Variants in GSDME observed in about 807,000 individuals in gnomAD.
GSDME encodes the protein gasdermin E.
GSDME carries 44 observed loss-of-function variants against 47.5 expected under a neutral mutation model. The ratio of observed to expected loss-of-function variants is 0.93; its 90% CI spans 0.73 to 1.19. The LOEUF is 1.19. GSDME is among the 50% of genes most tolerant of loss of function. GSDME has a pLI of 0.00. For synonymous variants in GSDME, 258 were observed against 252.8 expected (o/e 1.02, Z -0.20); for missense variants, 663 against 604.2 (o/e 1.10, Z -1.02).
the GSDME span, among the ~76,000 whole-genome samples, chr7:24,770,312 C>A: frequency 6.6e-6 from 1 of 152,332 alleles, no homozygotes; most frequent in East Asian, 1.9e-4. The surrounding 1 kb of genome is among the most constrained non-coding windows in gnomAD (Gnocchi z 4.6). Context: ...CTTCCTCCCT[C>A]CACCCATATC....
chr7:24,744,332 G>A lies in GSDME; in HGVS notation c.404+230C>T. 1.7e-6 allele frequency: 1 copy of A among 579,122 alleles called. No individual in the cohort carries two copies. The highest frequency in any genetic ancestry group is 3.1e-6 in the Non-Finnish European group (1 of 324,008). 35.9% of individuals were successfully genotyped at this position (579,122 alleles called of 1,614,324 possible). On this transcript the variant is annotated intron_variant, in intron 3 of 9. Transcript: ENST00000645220. The surrounding 1 kb of genome is among the most constrained non-coding windows in gnomAD (Gnocchi z 4.5). Reference sequence around the variant, plus strand: ...TGAAGGAAGTACATATTTGCCTGAAGTAACATCCTTTGAAAGTGCTTCCCA... The same window carrying A: ...TGAAGGAAGTACATATTTGCCTGAAATAACATCCTTTGAAAGTGCTTCCCA...
At chr7:24,784,469 G>A in the GSDME span, among the ~76,000 whole-genome samples, 4 of 152,078 alleles carry the variant, frequency 2.6e-5, no homozygotes, top group African/African-American at 9.6e-5. Flanking sequence ...GAGATCCCCC[G>A]GCAAACCACT....
intron 5 of GSDME, 173 bp from the exon 6 acceptor site, chr7:24,710,561 A>T: frequency 1.6e-6 from 1 of 630,094 alleles, no homozygotes; most frequent in Non-Finnish European, 2.8e-6. Flanking sequence ...ATGTTGCTTG[A>T]CCAAAAGCCC....
chr7:24,761,529 A>C (rs1222789659), upstream of GSDME, among the ~76,000 whole-genome samples: 1 of 152,226 alleles, frequency 6.6e-6, no homozygotes, highest in African/African-American at 2.4e-5. The surrounding 1 kb of genome is among the most constrained non-coding windows in gnomAD (Gnocchi z 4.4). Flanking sequence ...TCATGACCTA[A>C]TCACATCCCA....
chr7:24,705,174 A>G lies in GSDME; in HGVS notation c.1183+1010T>C, dbSNP rs1402679920. On this transcript the variant is annotated intron_variant, in intron 8 of 9. Coordinates refer to ENST00000645220, the MANE Select transcript of GSDME (RefSeq NM_001127453.2). This position sits in a 1 kb window ranked among gnomAD's most constrained non-coding sequence, Gnocchi z 4.1. ...GTCGGAGAACTCTGGCCTGTGTATT[A>G]GCTCCTGACAGAATGCCTGTTCTGA... The G allele has an allele frequency of 6.6e-6, 1 of 152,226 alleles. No individual in the cohort carries two copies. Among genetic ancestry groups the G allele is most frequent in the Non-Finnish European group, 1.5e-5 (1 of 68,046 alleles). 9.4% of individuals were successfully genotyped at this position (152,226 alleles called of 1,614,324 possible). A position where few individuals can be genotyped will look rare whatever the true frequency, so the allele number is the denominator to read the frequency against.
chr7:24,766,748 G>A, the GSDME span, among the ~76,000 whole-genome samples: 1 of 152,194 alleles, frequency 6.6e-6, no homozygotes, highest in African/African-American at 2.4e-5. This position sits in a 1 kb window ranked among gnomAD's most constrained non-coding sequence, Gnocchi z 4.2. Context: ...ATTGTGAACA[G>A]TGCCACAGTA....
intron 3 of GSDME, among the ~76,000 whole-genome samples, chr7:24,731,279 C>G (rs1210079993): frequency 6.6e-6 from 1 of 152,208 alleles, no homozygotes; most frequent in African/African-American, 2.4e-5. Flanking sequence ...GTACAAAGAA[C>G]AGCCTGTGTG....
intron 9 of GSDME, among the ~76,000 whole-genome samples, chr7:24,700,180 C>T (rs985115564): frequency 6.6e-6 from 1 of 152,086 alleles, no homozygotes; most frequent in Non-Finnish European, 1.5e-5. Flanking sequence ...GTCACCTTCC[C>T]TTATTTAACC....
Position 24,717,343 on chromosome 7 carries a change from T to C in GSDME, c.608A>G (p.Lys203Arg). 1 of 1,613,892 alleles carries C rather than the reference T, an allele frequency of 6.2e-7. No homozygotes were observed. The highest frequency in any genetic ancestry group is 1.1e-5 in the South Asian group (1 of 91,058). Residue 203 changes from lysine (K) to arginine (R), a missense_variant, in exon 5 of 10, where the codon AAG (lysine) becomes AGG (arginine). Transcript: ENST00000645220. ...VSATEDGNVT[K>R]DSNVVLEIPA... ...GATCTCCAGCACCACGTTGGAGTCC[T>C]TGGTGACATTCCCATCCTCCGTCGC...
rs150256759 is a variant in GSDME, at chr7:24,750,441, A to G, written c.-19-648T>C. 6.2e-3 allele frequency among the ~76,000 whole-genome samples: 950 copies of G among 152,230 alleles called. 9 individuals are homozygous for G. Among genetic ancestry groups the G allele is most frequent in the Non-Finnish European group, 0.011 (749 of 68,014 alleles). On this transcript the variant is annotated intron_variant, in intron 1 of 9. Transcript: ENST00000645220. ...AGACCAGCCTGGGCAACATAGCAAA[A>G]CTCCAAATTAAAAATTAAAAAATTA...
intron 3 of GSDME, among the ~76,000 whole-genome samples, chr7:24,723,044 G>C (rs1038988797): frequency 6.6e-6 from 1 of 152,200 alleles, no homozygotes; most frequent in African/African-American, 2.4e-5. Context: ...AACCAAGGCA[G>C]GGCTGCCGGA....
Position 24,744,070 on chromosome 7 carries a change from A to G in GSDME, c.404+492T>C. On this transcript the variant is annotated intron_variant, in intron 3 of 9. Transcript: ENST00000645220. This position sits in a 1 kb window ranked among gnomAD's most constrained non-coding sequence, Gnocchi z 4.5. Reference sequence around the variant, plus strand: ...AATAATGATGAGCTATAGTGTGGTAAGATGTATTTACCGAAAGCCAAACAA... The same window carrying G: ...AATAATGATGAGCTATAGTGTGGTAGGATGTATTTACCGAAAGCCAAACAA... 4.6e-6 allele frequency: 1 copy of G among 219,328 alleles called. No homozygotes were observed. Among genetic ancestry groups the G allele is most frequent in the Middle Eastern group, 1.8e-3 (1 of 558 alleles). The allele number at this position is 219,328 out of a possible 1,614,324, so 13.6% of individuals were successfully genotyped here.
At position 24,702,791 on chromosome 7, in the gene GSDME, T is replaced by C. The variant is rs763466822; in HGVS notation, c.1226A>G (p.Lys409Arg). The change falls in exon 9 of 10, where the codon AAA (lysine) becomes AGA (arginine). Residue 409 changes from lysine (K) to arginine (R), a missense_variant. Physicochemically the swap from Lys to Arg is conservative, Grantham distance 26 (BLOSUM62 2). Transcript: ENST00000645220. ...GCACAGTGTGGGAATGATCTGGAGTTTGCAGCAAGTGCCCAGCAGAGCTGC... is the reference window on the plus strand; with the variant it reads ...GCACAGTGTGGGAATGATCTGGAGTCTGCAGCAAGTGCCCAGCAGAGCTGC... ...SAAALLGTCC[K>R]LQIIPTLCHL... is the part of the protein sequence containing the mutation. 1 of 1,613,646 alleles carries C rather than the reference T, an allele frequency of 6.2e-7. No individual in the cohort carries two copies. The highest frequency in any genetic ancestry group is 8.5e-7 in the Non-Finnish European group (1 of 1,179,712).
chr7:24,726,866 G>A lies in GSDME; in HGVS notation c.405-7648C>T, dbSNP rs1789987591. ...GAGTTTCCAATGGAAACCCTGGGGA[G>A]CCTGGTAAGGCTCTCCAAACCCCAG... On this transcript the variant is annotated intron_variant, in intron 3 of 9. Transcript: ENST00000645220. The surrounding 1 kb of genome is among the most constrained non-coding windows in gnomAD (Gnocchi z 5.6). 6.6e-6 allele frequency among the ~76,000 whole-genome samples: 1 copy of A among 151,568 alleles called. No homozygotes were observed. The highest frequency in any genetic ancestry group is 1.5e-5 in the Non-Finnish European group (1 of 67,950).
rs776261657 is a variant in GSDME at position 24,699,048 on chromosome 7, GCA to G, written c.1467_1468del (p.Ala490PhefsTer13). 4.3e-6 allele frequency: 7 copies of G among 1,612,588 alleles called. No homozygotes were observed. The highest frequency in any genetic ancestry group is 1.3e-5 in the African/African-American group (1 of 74,872). On this transcript the variant is annotated frameshift_variant, in exon 10 of 10. Transcript: ENST00000645220. LOFTEE classifies it high-confidence loss of function. The stretch of plus-strand genomic sequence containing the variant: ...ACATCATGAATGTTCTCTGCCTAAA[GCA>G]CAGAGTCCATTCAGGGTTATACAAA...
chr7:24,723,189 C>CA (rs774605470), intron 3 of GSDME, among the ~76,000 whole-genome samples: 6 of 152,180 alleles, frequency 3.9e-5, no homozygotes, highest in Non-Finnish European at 5.9e-5. Flanking sequence ...GGAGAGGCCC[C>CA]ACAGGGACAG....
chr7:24,745,036 G>T lies in GSDME; in HGVS notation c.212-282C>A, dbSNP rs112886768. The stretch of plus-strand genomic sequence containing the variant: ...GTGTGTGTGTGTGTGTGTGTGTGTG[G>T]ACCACGGGCACACAGTGGACCAGTG... On this transcript the variant is annotated intron_variant, in intron 2 of 9. Coordinates refer to ENST00000645220, the MANE Select transcript of GSDME (RefSeq NM_001127453.2). This position sits in a 1 kb window ranked among gnomAD's most constrained non-coding sequence, Gnocchi z 4.4. Among the ~76,000 whole-genome samples the T allele has an allele frequency of 3.7e-5, 5 of 135,974 alleles. No individual in the cohort carries two copies. The highest frequency in any genetic ancestry group is 2.4e-4 in the South Asian group (1 of 4,190). The allele number at this position is 135,974 out of a possible 152,430, so 89.2% of individuals were successfully genotyped here.
At chr7:24,785,195 A>G in the GSDME span, among the ~76,000 whole-genome samples, 1 of 152,198 alleles carries the variant, frequency 6.6e-6, no homozygotes, top group Non-Finnish European at 1.5e-5. Context: ...GCTTTGGGCT[A>G]TAACAGCAGA....
chr7:24,786,325 G>A, the GSDME span, among the ~76,000 whole-genome samples: 1 of 152,198 alleles, frequency 6.6e-6, no homozygotes, highest in Non-Finnish European at 1.5e-5. This position sits in a 1 kb window ranked among gnomAD's most constrained non-coding sequence, Gnocchi z 5.5. Context: ...TTTAAACTTG[G>A]AAGGGAAAGG....
Sources: gnomAD v4.1 joint callset for allele counts (sites outside exome capture counted in the v4.1 genomes callset) on GRCh38, gnomAD v4.1.1 for gene constraint, Gnocchi (gnomAD v3.1) non-coding constraint, MANE v1.5 for transcripts, NCBI Gene and HGNC (gene_info 2026-07-23, HGNC 2026-07-21) for gene names.